ACACA: variants seen among roughly 807,000 people sequenced by gnomAD.
ACACA encodes the protein acetyl-CoA carboxylase 1.
ACACA carries 103 observed loss-of-function variants against 296.1 expected under a neutral mutation model. The observed-to-expected ratio is 0.35, with a 90% CI of 0.30 to 0.41. The LOEUF is 0.41. Among genes scored for constraint, ACACA ranks in the 10% least tolerant of loss-of-function variants. The pLI is 1.00. For missense variants in ACACA, 1,554 were observed against 2,989.7 expected (o/e 0.52, Z 11.20); for synonymous variants, 953 against 1,038.6 (o/e 0.92, Z 1.58).
At chr17:37,092,741 C>T (rs116977370) in intron 54 of ACACA, among the ~76,000 whole-genome samples, 176 of 152,318 alleles carry the variant, frequency 1.2e-3, no homozygotes, top group Non-Finnish European at 1.4e-3. Context: ...TGCTGGGAGA[C>T]ACCTCCAGCT....
At position 37,283,178 on chromosome 17, in the gene ACACA, C is replaced by A. The variant is rs1010955681; in HGVS notation, c.610+89G>T. On this transcript the variant is annotated intron_variant, in intron 5 of 55. Transcript: ENST00000616317. ...ACTTGGAAGTCCTATGTTTGGGAAT[C>A]CCCCTAAGTTAACATTCTCCTACTT... The A allele has an allele frequency of 4.0e-6, 6 of 1,490,510 alleles. No individual in the cohort carries two copies. In the African/African-American group the frequency reaches 6.9e-5, roughly 17 times the overall value. The allele number at this position is 1,490,510 out of a possible 1,614,324, so 92.3% of individuals were successfully genotyped here.
intron 1 of ACACA, among the ~76,000 whole-genome samples, chr17:37,386,490 G>T (rs1339049929): frequency 2.0e-5 from 3 of 152,104 alleles, no homozygotes; most frequent in Admixed American, 2.0e-4. Flanking sequence ...TACTTGAGAG[G>T]CTGAGAAAGA....
At chr17:37,228,308 CATAT>C (rs2145756132) in intron 25 of ACACA, among the ~76,000 whole-genome samples, 1 of 139,412 alleles carries the variant, frequency 7.2e-6, no homozygotes, top group South Asian at 2.4e-4. Context: ...AGTCATAAAA[CATAT>C]GATGGGAGTT....
rs994218429 is a variant in ACACA, at chr17:37,148,009, G to C, written c.5679+1855C>G. The stretch of plus-strand genomic sequence containing the variant: ...TGTATATAATATAGTATCGGGGCAG[G>C]GGGGAGAAAGAAACTCAATATAAGA... On this transcript the variant is annotated intron_variant, in intron 45 of 55. Transcript: ENST00000616317. 4.6e-5 allele frequency among the ~76,000 whole-genome samples: 7 copies of C among 151,906 alleles called. No homozygotes were observed. The South Asian group carries it at 1.0e-3, about 23-fold the overall frequency.
rs2077745543 is a variant in ACACA, at chr17:37,191,427, C to T, written c.4417-152G>A. The T allele has an allele frequency of 3.7e-6, 3 of 817,556 alleles. No homozygotes were observed. The Admixed American group carries it at 6.7e-5, about 18-fold the overall frequency. The allele number at this position is 817,556 out of a possible 1,614,324, so 50.6% of individuals were successfully genotyped here. A position where few individuals can be genotyped will look rare whatever the true frequency, so the allele number is the denominator to read the frequency against. ...TTTCTCCCTAGAGTCAGTCCAGTAACCACAGGGAGCAGGGGCAGGAAAGGG... is the reference window on the plus strand; with the variant it reads ...TTTCTCCCTAGAGTCAGTCCAGTAATCACAGGGAGCAGGGGCAGGAAAGGG... On this transcript the variant is annotated intron_variant, in intron 37 of 55. Transcript: ENST00000616317.
rs2072427793 is a variant in ACACA at position 37,089,069 on chromosome 17, A to G, written c.6897T>C (p.Tyr2299=). The stretch of plus-strand genomic sequence containing the variant: ...CCAGATCCTTATTATTGTCCCAAAC[A>G]TAAGCCTGCAAACAGATGACTCTTG... ...FVEVEGTVKA[Y]VWDNNKDLAE... The change falls in exon 55 of 56, where the codon TAT becomes TAC. Residue 2299 remains tyrosine (Y), a synonymous_variant. Coordinates refer to ENST00000616317, the MANE Select transcript of ACACA (RefSeq NM_198834.3). 1.2e-6 allele frequency: 2 copies of G among 1,614,182 alleles called. No individual in the cohort carries two copies. Among genetic ancestry groups the G allele is most frequent in the Non-Finnish European group, 1.7e-6 (2 of 1,180,038 alleles).
intron 1 of ACACA, among the ~76,000 whole-genome samples, chr17:37,401,670 T>C (rs374588436): frequency 1.3e-5 from 2 of 151,896 alleles, no homozygotes; most frequent in African/African-American, 4.8e-5. Flanking sequence ...GTGATTCTCC[T>C]ACCTCAGCCT....
rs1233859915 is a variant in ACACA at position 37,122,609 on chromosome 17, C to T, written c.6060G>A (p.Val2020=). ...VGRARLGGIP[V]GVVAVETRTV... Reference sequence around the variant, plus strand: ...TTCGGGTTTCTACAGCAACAACTCCCACAGGTATTCCTCCTAGCCTGATAA... The same window carrying T: ...TTCGGGTTTCTACAGCAACAACTCCTACAGGTATTCCTCCTAGCCTGATAA... The change falls in exon 49 of 56, where the codon GTG becomes GTA. Residue 2020 remains valine, a synonymous_variant. Coordinates refer to ENST00000616317, the MANE Select transcript of ACACA (RefSeq NM_198834.3). The T allele has an allele frequency of 6.2e-7, 1 of 1,614,152 alleles. No homozygotes were observed. The highest frequency in any genetic ancestry group is 1.7e-5 in the Admixed American group (1 of 60,028).
At chr17:37,272,283 C>T (rs188103281) in intron 9 of ACACA, among the ~76,000 whole-genome samples, 27 of 152,156 alleles carry the variant, frequency 1.8e-4, no homozygotes, top group Admixed American at 3.9e-4. Flanking sequence ...GTGGAGGTTG[C>T]GGTGAGCCAA....
intron 1 of ACACA, among the ~76,000 whole-genome samples, chr17:37,359,892 G>T (rs2049336879): frequency 6.6e-6 from 1 of 152,022 alleles, no homozygotes; most frequent in Non-Finnish European, 1.5e-5. Context: ...TTGAGGAGAA[G>T]CCTCAGTAAA....
chr17:37,123,311 ATTAGAAT>A (rs1310897356), intron 48 of ACACA, among the ~76,000 whole-genome samples: 1 of 152,208 alleles, frequency 6.6e-6, no homozygotes, highest in African/African-American at 2.4e-5. Flanking sequence ...TGAAGTCTAT[ATTAGAAT>A]TATATATTTA....
chr17:37,337,957 C>T lies in ACACA; in HGVS notation c.85+1847G>A, dbSNP rs866218676. On this transcript the variant is annotated intron_variant, in intron 2 of 55. Transcript: ENST00000616317. Reference sequence around the variant, plus strand: ...ATAAATATACAAAAAATTAGCCGGGCGTAGTGGCGGGCACCTGTAGTCCCA... The same window carrying T: ...ATAAATATACAAAAAATTAGCCGGGTGTAGTGGCGGGCACCTGTAGTCCCA... Among the ~76,000 whole-genome samples the T allele has an allele frequency of 6.1e-4, 93 of 151,808 alleles. 1 individual carries two copies. Among genetic ancestry groups the T allele is most frequent in the African/African-American group, 2.1e-3 (87 of 41,434 alleles).
At chr17:37,093,412 C>T (rs2072776329) in intron 54 of ACACA, among the ~76,000 whole-genome samples, 1 of 151,872 alleles carries the variant, frequency 6.6e-6, no homozygotes, top group Non-Finnish European at 1.5e-5. Context: ...TTGACTTGGT[C>T]TATGTTGCTA....
At chr17:37,104,760 A>G (rs1200119028) in intron 52 of ACACA, among the ~76,000 whole-genome samples, 1 of 152,088 alleles carries the variant, frequency 6.6e-6, no homozygotes, top group East Asian at 1.9e-4. Context: ...CAGGCAACAC[A>G]GGGAAATTCT....
At chr17:37,341,740 C>T (rs2048379779) in intron 1 of ACACA, among the ~76,000 whole-genome samples, 1 of 151,752 alleles carries the variant, frequency 6.6e-6, no homozygotes, top group Admixed American at 6.6e-5. Context: ...ACTCCCTCAC[C>T]CCCTCCACTT....
intron 1 of ACACA, among the ~76,000 whole-genome samples, chr17:37,403,841 C>T (rs939438209): frequency 2.0e-5 from 3 of 151,936 alleles, no homozygotes; most frequent in Admixed American, 2.0e-4. Flanking sequence ...GGCAGTGGTG[C>T]GATTTCAGCT....
At position 37,174,020 on chromosome 17, in the gene ACACA, A is replaced by ATTTTT. The variant is rs71159693; in HGVS notation, c.5079+5235_5079+5239dup. Among the ~76,000 whole-genome samples, 14 of 16,788 alleles carry ATTTTT rather than the reference A, an allele frequency of 8.3e-4. 1 individual carries two copies. Among genetic ancestry groups the ATTTTT allele is most frequent in the South Asian group, 3.9e-3 (1 of 256 alleles). The allele number at this position is 16,788 out of a possible 152,430, so 11.0% of individuals were successfully genotyped here. Reference sequence around the variant, plus strand: ...TATATATATATATATATATATATATATTTTTTTTTTTTTTTTTTTTTGTAG... The same window carrying ATTTTT: ...TATATATATATATATATATATATATATTTTTTTTTTTTTTTTTTTTTTTTTTGTAG... On this transcript the variant is annotated intron_variant, in intron 41 of 55. Coordinates refer to ENST00000616317, the MANE Select transcript of ACACA (RefSeq NM_198834.3).
intron 29 of ACACA, among the ~76,000 whole-genome samples, chr17:37,221,333 A>T (rs2079279129): frequency 6.6e-6 from 1 of 152,220 alleles, no homozygotes; most frequent in Non-Finnish European, 1.5e-5. Context: ...TAGCAAACAT[A>T]TAGAAAAGAA....
chr17:37,365,557 A>G, intron 1 of ACACA: 1 of 985,430 alleles, frequency 1.0e-6, no homozygotes, highest in Non-Finnish European at 1.2e-6. Context: ...TTCATCAAGA[A>G]AGTCAGTGCC....
Sources: allele counts gnomAD v4.1 joint callset (sites outside exome capture counted in the v4.1 genomes callset), GRCh38; gene constraint gnomAD v4.1.1; transcripts MANE v1.5; gene names NCBI Gene and HGNC (gene_info 2026-07-23, HGNC 2026-07-21).